Variants in PCDHGB1 observed in about 807,000 individuals in gnomAD.
PCDHGB1 encodes protocadherin gamma subfamily B, 1, also known as protocadherin gamma-B1.
A neutral mutation model predicts 56.6 loss-of-function variants in PCDHGB1; 34 were observed. That is an observed-to-expected ratio of 0.60 (90% CI 0.46 to 0.80). PCDHGB1 has a LOEUF of 0.80. Ranked by LOEUF, PCDHGB1 falls within the 30% of genes least tolerant of loss-of-function variation. PCDHGB1 has a pLI of 0.00. For missense variants in PCDHGB1, 1,278 were observed against 1,204.6 expected (o/e 1.06, Z -0.90); for synonymous variants, 561 against 505.9 (o/e 1.11, Z -1.46).
intron 3 of PCDHGB1, among the ~76,000 whole-genome samples, chr5:141,510,054 G>A (rs1166696269): frequency 1.3e-5 from 2 of 152,180 alleles, no homozygotes; most frequent in Non-Finnish European, 2.9e-5. Context: ...AAAAGTGATT[G>A]TGCATGTGAA....
intron 1 of PCDHGB1, chr5:141,413,935 A>T: frequency 6.2e-7 from 1 of 1,613,372 alleles, no homozygotes; most frequent in Non-Finnish European, 8.5e-7. Flanking sequence ...ATACCGAGTG[A>T]GTGTTCCTGA....
intron 1 of PCDHGB1, among the ~76,000 whole-genome samples, chr5:141,459,307 A>G (rs1175102009): frequency 6.6e-6 from 1 of 152,198 alleles, no homozygotes; most frequent in Non-Finnish European, 1.5e-5. Context: ...AACATATACT[A>G]TTTTGTATCC....
At chr5:141,384,290 A>T in intron 1 of PCDHGB1, 1 of 1,613,874 alleles carries the variant, frequency 6.2e-7, no homozygotes, top group Non-Finnish European at 8.5e-7. Context: ...ATCGCTGAGA[A>T]CAACCCCAGA....
intron 1 of PCDHGB1, chr5:141,360,196 C>G (rs770642245): frequency 2.5e-6 from 4 of 1,612,440 alleles, no homozygotes; most frequent in Non-Finnish European, 3.4e-6. Flanking sequence ...GTTGCCCTTC[C>G]TGTTGTCTTT....
At chr5:141,419,104 C>T (rs756257411) in intron 1 of PCDHGB1, 75 of 1,613,732 alleles carry the variant, frequency 4.6e-5, no homozygotes, top group Non-Finnish European at 5.9e-5. Context: ...GGGAGCAGAC[C>T]CCAGAGTACA....
rs2099412065 is a variant in PCDHGB1, at chr5:141,477,502, C to T, written c.2410-17305C>T. On this transcript the variant is annotated intron_variant, in intron 1 of 3. Coordinates refer to ENST00000523390, the MANE Select transcript of PCDHGB1 (RefSeq NM_018922.3). This position sits in a 1 kb window ranked among gnomAD's most constrained non-coding sequence, Gnocchi z 4.9. ...CTCCACAATCTTCTCAATCTTCCTACGACGTTTACATTGAAGAAAACAACC... is the reference window on the plus strand; with the variant it reads ...CTCCACAATCTTCTCAATCTTCCTATGACGTTTACATTGAAGAAAACAACC... 2 of 1,614,144 alleles carry T rather than the reference C, an allele frequency of 1.2e-6. No homozygotes were observed. Among genetic ancestry groups the T allele is most frequent in the Non-Finnish European group, 1.7e-6 (2 of 1,180,018 alleles).
At chr5:141,362,149 T>G (rs759063405) in intron 1 of PCDHGB1, 2 of 1,614,036 alleles carry the variant, frequency 1.2e-6, no homozygotes, top group South Asian at 2.2e-5. Flanking sequence ...GCAAGAGGTA[T>G]TGCCAGACCT....
Position 141,352,289 on chromosome 5 carries a change from C to G in PCDHGB1, c.2029C>G (p.Pro677Ala). Residue 677 changes from proline (P) to alanine (A), a missense_variant, in exon 1 of 4, where the codon CCC becomes GCC. Physicochemically the swap from Pro to Ala is conservative, Grantham distance 27. Transcript: ENST00000523390. ...GCCAGACCTCAGCGACCGCCCTGAG[C>G]CCTCTGACCCCCAGACGGAACTGCA... The part of the protein sequence containing the change: ...VLPDLSDRPE[P>A]SDPQTELQFY... 1 of 1,614,082 alleles carries G rather than the reference C, an allele frequency of 6.2e-7. No homozygotes were observed. The highest frequency in any genetic ancestry group is 8.5e-7 in the Non-Finnish European group (1 of 1,179,908).
intron 1 of PCDHGB1, among the ~76,000 whole-genome samples, chr5:141,359,804 G>T (rs918422169): frequency 3.9e-5 from 6 of 151,996 alleles, no homozygotes; most frequent in African/African-American, 1.5e-4. Flanking sequence ...TTTGAATTTG[G>T]AACTATATGA....
chr5:141,371,611 CAGAT>C, intron 1 of PCDHGB1: 1 of 1,613,996 alleles, frequency 6.2e-7, no homozygotes, highest in African/African-American at 1.3e-5. Context: ...AGGTTGGTGA[CAGAT>C]GGAGCCCTGG....
rs188768340 is a variant in PCDHGB1, at chr5:141,382,953, C to G, written c.2409+30284C>G. On this transcript the variant is annotated intron_variant, in intron 1 of 3. Transcript: ENST00000523390. ...ACAGAGGATTCTTCCTGCTCTCCAT[C>G]CTCCTGGGGACCCCCTGGGAAGCCT... 1,258 of 1,601,498 alleles carry G rather than the reference C, an allele frequency of 7.9e-4. 16 individuals carry two copies. In the African/African-American group the frequency reaches 0.015, roughly 19 times the overall value.
At chr5:141,370,800 A>G (rs1767214052) in intron 1 of PCDHGB1, 1 of 1,614,026 alleles carries the variant, frequency 6.2e-7, no homozygotes, top group African/African-American at 1.3e-5. Context: ...CTTTAGCCAA[A>G]ATATCACTGA....
In PCDHGB1 at chr5:141,510,976, G is replaced by A. The variant is rs752758180; in HGVS notation, c.2587G>A (p.Gly863Arg). The change falls in exon 4 of 4, where the codon GGG (glycine) becomes AGG (arginine). Residue 863 changes from glycine to arginine, a missense_variant. Gly to Arg is a moderately radical substitution (Grantham distance 125, BLOSUM62 -2). Transcript: ENST00000523390. ...EAADGSSTLG[G>R]GAGTMGLSAR... ...TGCTGATGGGAGCTCCACCCTGGGA[G>A]GGGGTGCCGGCACCATGGGATTGAG... The A allele has an allele frequency of 5.0e-6, 8 of 1,614,046 alleles. No individual in the cohort carries two copies. The highest frequency in any genetic ancestry group is 6.8e-6 in the Non-Finnish European group (8 of 1,180,022).
At chr5:141,372,684 G>A (rs199934753) in intron 1 of PCDHGB1, 524 of 1,613,850 alleles carry the variant, frequency 3.2e-4, no homozygotes, top group Non-Finnish European at 4.1e-4. Flanking sequence ...CTCAAACACC[G>A]AGTTTAAATT....
At chr5:141,436,104 G>A (rs368559994) in intron 1 of PCDHGB1, among the ~76,000 whole-genome samples, 10 of 152,086 alleles carry the variant, frequency 6.6e-5, no homozygotes, top group East Asian at 3.9e-4. Flanking sequence ...AGAAATAGAG[G>A]ACAATGAAAC....
intron 1 of PCDHGB1, chr5:141,397,952 C>A: frequency 1.0e-6 from 1 of 959,530 alleles, no homozygotes; most frequent in Non-Finnish European, 1.5e-6. Context: ...CCAGGGCAGC[C>A]CCAGCTCAGA....
intron 1 of PCDHGB1, chr5:141,383,703 C>A: frequency 2.5e-6 from 4 of 1,613,964 alleles, no homozygotes; most frequent in Non-Finnish European, 3.4e-6. Flanking sequence ...ATGCTATCGA[C>A]CTGGACGAGG....
chr5:141,370,403 T>C (rs1766874006), intron 1 of PCDHGB1: 2 of 1,554,604 alleles, frequency 1.3e-6, no homozygotes, highest in Non-Finnish European at 1.7e-6. Context: ...GGATGGGAAA[T>C]AGCTCCGGAT....
chr5:141,375,944 C>G (rs1365248346), intron 1 of PCDHGB1: 6 of 1,613,500 alleles, frequency 3.7e-6, no homozygotes, highest in Non-Finnish European at 5.1e-6. Flanking sequence ...CTCAGTGGGC[C>G]TGCACACGGG....
Sources: gnomAD v4.1 joint callset for allele counts (sites outside exome capture counted in the v4.1 genomes callset) on GRCh38, gnomAD v4.1.1 for gene constraint, Gnocchi (gnomAD v3.1) non-coding constraint, MANE v1.5 for transcripts, NCBI Gene and HGNC (gene_info 2026-07-23, HGNC 2026-07-21) for gene names.